Variants in BTBD9 observed in about 807,000 individuals in gnomAD.
BTBD9 encodes BTB domain containing 9.
A neutral mutation model predicts 64.3 loss-of-function variants in BTBD9; 49 were observed. The ratio of observed to expected loss-of-function variants is 0.76; its 90% CI spans 0.61 to 0.97. BTBD9 has a LOEUF of 0.97. Among genes scored for constraint, BTBD9 ranks in the 50% least tolerant of loss-of-function variants. BTBD9 has a pLI of 0.00. For synonymous variants in BTBD9, 260 were observed against 274.7 expected (o/e 0.95, Z 0.53); for missense variants, 598 against 762.1 (o/e 0.78, Z 2.53).
chr6:38,368,622 C>T (rs1483195756), intron 6 of BTBD9, among the ~76,000 whole-genome samples: 1 of 152,118 alleles, frequency 6.6e-6, no homozygotes, highest in Non-Finnish European at 1.5e-5. Context: ...TGTGAGCCAC[C>T]ATGCCCGGCC....
chr6:38,280,423 C>G (rs1232066306), intron 8 of BTBD9, among the ~76,000 whole-genome samples: 1 of 152,170 alleles, frequency 6.6e-6, no homozygotes, highest in Non-Finnish European at 1.5e-5. Flanking sequence ...TGGTTCCGGG[C>G]TGTGACAGAC....
chr6:38,509,358 A>T (rs532285686), intron 6 of BTBD9, among the ~76,000 whole-genome samples: 94 of 152,342 alleles, frequency 6.2e-4, no homozygotes, highest in African/African-American at 2.1e-3. Flanking sequence ...TTCTCTTTGC[A>T]TCAACTATAA....
At chr6:38,306,401 G>A (rs1023093304) in intron 7 of BTBD9, among the ~76,000 whole-genome samples, 1 of 152,174 alleles carries the variant, frequency 6.6e-6, no homozygotes, top group Admixed American at 6.5e-5. Flanking sequence ...AAAAGGCAAA[G>A]GTGAACCGCC....
At chr6:38,412,535 C>G (rs1378674786) in intron 6 of BTBD9, among the ~76,000 whole-genome samples, 1 of 151,018 alleles carries the variant, frequency 6.6e-6, no homozygotes, top group Non-Finnish European at 1.5e-5. Flanking sequence ...TACAAAGGAG[C>G]CAGCAGCCAT....
chr6:38,233,553 T>TA (rs1161720677), intron 9 of BTBD9, among the ~76,000 whole-genome samples: 1 of 152,230 alleles, frequency 6.6e-6, no homozygotes, highest in African/African-American at 2.4e-5. Context: ...TGCAGCAGCC[T>TA]ACCCTGGAAG....
chr6:38,467,492 T>C (rs1027393218), intron 6 of BTBD9, among the ~76,000 whole-genome samples: 1 of 152,210 alleles, frequency 6.6e-6, no homozygotes, highest in African/African-American at 2.4e-5. Flanking sequence ...CTAGAGATAG[T>C]TGAACTCAGG....
intron 7 of BTBD9, among the ~76,000 whole-genome samples, chr6:38,314,114 C>A (rs770411238): frequency 6.7e-6 from 1 of 148,606 alleles, no homozygotes; most frequent in East Asian, 2.0e-4. Context: ...AAAATACTAG[C>A]AACATCACAT....
intron 9 of BTBD9, among the ~76,000 whole-genome samples, chr6:38,217,698 TC>T (rs374416954): frequency 0.094 from 12,985 of 138,580 alleles, 941 homozygotes; most frequent in African/African-American, 0.19. Flanking sequence ...TTTTCTTTTT[TC>T]TTTTTTTTTT....
At chr6:38,555,487 TCTA>T (rs1369455969) in intron 6 of BTBD9, among the ~76,000 whole-genome samples, 2 of 152,256 alleles carry the variant, frequency 1.3e-5, no homozygotes, top group Non-Finnish European at 2.9e-5. Context: ...TATTTAATCT[TCTA>T]CTTAACAAAA....
chr6:38,564,708 G>A (rs1252253378), intron 6 of BTBD9, among the ~76,000 whole-genome samples: 1 of 152,084 alleles, frequency 6.6e-6, no homozygotes, highest in African/African-American at 2.4e-5. Flanking sequence ...CTAACATGGT[G>A]AAACCCCATC....
At chr6:38,237,778 G>A (rs982368310) in intron 9 of BTBD9, among the ~76,000 whole-genome samples, 1 of 152,100 alleles carries the variant, frequency 6.6e-6, no homozygotes, top group Non-Finnish European at 1.5e-5. Context: ...TTAAAGAGAG[G>A]TGGGGAGGGT....
intron 6 of BTBD9, among the ~76,000 whole-genome samples, chr6:38,410,683 C>T (rs1244158597): frequency 1.3e-5 from 2 of 151,900 alleles, no homozygotes; most frequent in Non-Finnish European, 2.9e-5. Flanking sequence ...GAGGAAGTTC[C>T]TTAGAGAATG....
At chr6:38,339,971 T>A (rs906988366) in intron 7 of BTBD9, among the ~76,000 whole-genome samples, 2 of 152,170 alleles carry the variant, frequency 1.3e-5, no homozygotes, top group African/African-American at 4.8e-5. Context: ...ATTTCGGTAA[T>A]CATATGGTTC....
intron 9 of BTBD9, among the ~76,000 whole-genome samples, chr6:38,239,904 A>T (rs1763935459): frequency 6.6e-6 from 1 of 152,238 alleles, no homozygotes; most frequent in Non-Finnish European, 1.5e-5. Flanking sequence ...CACAAACTGA[A>T]CGTCACACTT....
intron 6 of BTBD9, among the ~76,000 whole-genome samples, chr6:38,526,229 T>C (rs867532611): frequency 3.3e-5 from 5 of 152,332 alleles, no homozygotes; most frequent in Middle Eastern, 3.4e-3. Flanking sequence ...GTGGCCAAGG[T>C]ACAGCTTGGG....
At chr6:38,515,398 C>T (rs565992561) in intron 6 of BTBD9, among the ~76,000 whole-genome samples, 5 of 152,114 alleles carry the variant, frequency 3.3e-5, no homozygotes, top group South Asian at 2.1e-4. Context: ...GGTAAATAAG[C>T]GAATTTGCTT....
chr6:38,554,814 A>G (rs1774946937), intron 6 of BTBD9, among the ~76,000 whole-genome samples: 1 of 152,256 alleles, frequency 6.6e-6, no homozygotes, highest in Admixed American at 6.5e-5. Context: ...TAGTGAAAGC[A>G]GCCAGCAGGG....
At chr6:38,269,608 T>G (rs999875326) in intron 8 of BTBD9, among the ~76,000 whole-genome samples, 1 of 151,686 alleles carries the variant, frequency 6.6e-6, no homozygotes, top group East Asian at 1.9e-4. Flanking sequence ...TTTTTTTTTT[T>G]CCCTGCGATC....
At chr6:38,523,608 A>G (rs2127422004) in intron 6 of BTBD9, among the ~76,000 whole-genome samples, 1 of 152,234 alleles carries the variant, frequency 6.6e-6, no homozygotes, top group East Asian at 1.9e-4. Flanking sequence ...CTCCTCTAAG[A>G]TTATCCAAAT....
Sources: gnomAD v4.1 joint callset for allele counts (sites outside exome capture counted in the v4.1 genomes callset) on GRCh38, gnomAD v4.1.1 for gene constraint, MANE v1.5 for transcripts, NCBI Gene and HGNC (gene_info 2026-07-23, HGNC 2026-07-21) for gene names.